Variants in UNC13C observed in about 807,000 individuals in gnomAD.
UNC13C encodes the protein unc-13 homolog C.
In UNC13C, 174 loss-of-function variants were observed where a neutral mutation model predicts 245.4. That is an observed-to-expected ratio of 0.71 (90% CI 0.63 to 0.80). UNC13C has a LOEUF of 0.80. Ranked by LOEUF, UNC13C falls within the 30% of genes least tolerant of loss-of-function variation. The probability of loss-of-function intolerance (pLI) is 0.00; values close to 1 mark genes in which losing one functional copy is unlikely to be tolerated. For synonymous variants in UNC13C, 992 were observed against 895.1 expected, an observed-to-expected ratio of 1.11 and a Z score of -1.93; for missense variants, 2,829 against 2,602.9, an observed-to-expected ratio of 1.09 and a Z score of -1.89.
chr15:54,140,404 AAC>A (rs2031959682), intron 2 of UNC13C, among the ~76,000 whole-genome samples: 1 of 152,224 alleles, frequency 6.6e-6, no homozygotes, highest in Non-Finnish European at 1.5e-5. Flanking sequence ...AAGTAAAAAA[AAC>A]AGAGAGAGAG....
intron 2 of UNC13C, among the ~76,000 whole-genome samples, chr15:54,067,162 G>A (rs551357203): frequency 1.2e-4 from 18 of 152,004 alleles, no homozygotes; most frequent in African/African-American, 4.3e-4. Flanking sequence ...AATCTTGGTT[G>A]AAGATTCCTG....
intron 19 of UNC13C, among the ~76,000 whole-genome samples, chr15:54,475,414 G>A (rs12439419): frequency 0.44 from 66,677 of 150,680 alleles, 15,064 homozygotes; most frequent in East Asian, 0.71. Context: ...CCATTAACTC[G>A]TCATTTAGCA....
At chr15:53,943,928 T>C in the UNC13C span, among the ~76,000 whole-genome samples, 5 of 152,126 alleles carry the variant, frequency 3.3e-5, no homozygotes, top group East Asian at 9.6e-4. Flanking sequence ...GATAGTAGCA[T>C]AGTCACTCCT....
At chr15:54,209,526 C>T (rs1318338068) in intron 4 of UNC13C, among the ~76,000 whole-genome samples, 1 of 152,056 alleles carries the variant, frequency 6.6e-6, no homozygotes, top group Admixed American at 6.6e-5. Flanking sequence ...GATCCTCCCT[C>T]CTCAATCTCC....
chr15:53,951,761 C>G, the UNC13C span, among the ~76,000 whole-genome samples: 10 of 152,132 alleles, frequency 6.6e-5, no homozygotes, highest in Non-Finnish European at 1.2e-4. Flanking sequence ...TAATACAGCG[C>G]TGAAATGGGT....
chr15:53,960,631 A>C, the UNC13C span, among the ~76,000 whole-genome samples: 1 of 152,226 alleles, frequency 6.6e-6, no homozygotes, highest in Admixed American at 6.5e-5. Context: ...GGACTCATTA[A>C]ATAGTAACTA....
intron 8 of UNC13C, among the ~76,000 whole-genome samples, chr15:54,251,035 G>A (rs549687888): frequency 1.7e-4 from 26 of 152,044 alleles, no homozygotes; most frequent in African/African-American, 6.0e-4. Context: ...GGATTACATA[G>A]GCGTGAGCCA....
At chr15:54,256,456 C>T (rs956472902) in intron 8 of UNC13C, among the ~76,000 whole-genome samples, 1 of 151,934 alleles carries the variant, frequency 6.6e-6, no homozygotes, top group Non-Finnish European at 1.5e-5. Context: ...CAGTCCTCCG[C>T]AGTATGGTCC....
At chr15:54,087,944 A>C (rs1314888612) in intron 2 of UNC13C, among the ~76,000 whole-genome samples, 1 of 152,154 alleles carries the variant, frequency 6.6e-6, no homozygotes, top group Admixed American at 6.5e-5. Flanking sequence ...ATTGTTTAGA[A>C]CAAAACTAGT....
Position 54,614,052 on chromosome 15 carries a change from G to A in UNC13C, c.6107-8275G>A, listed in dbSNP as rs1900271031. 2.0e-5 allele frequency among the ~76,000 whole-genome samples: 3 copies of A among 151,922 alleles called. No homozygotes were observed. The South Asian group carries it at 6.2e-4, about 31-fold the overall frequency. On this transcript the variant is annotated intron_variant, in intron 30 of 32. Coordinates refer to ENST00000260323, the MANE Select transcript of UNC13C (RefSeq NM_001080534.3). ...CCCCAGAGGGACTTGGTGGAGAGAG[G>A]TTGCTGATTGTCATACTGCTTTCCT...
rs747700605 is a variant in UNC13C at position 54,356,075 on chromosome 15, A to G, written c.4713+17586A>G. Among the ~76,000 whole-genome samples, 11 of 152,154 alleles carry G rather than the reference A, an allele frequency of 7.2e-5. 1 individual carries two copies. Among genetic ancestry groups the G allele is most frequent in the Non-Finnish European group, 1.5e-5 (1 of 68,022 alleles). Reference sequence around the variant, plus strand: ...ATGCACTAAAATATTCTCATTTTTTATGTCTGCGTGGTATTCCACTGAATG... The same window carrying G: ...ATGCACTAAAATATTCTCATTTTTTGTGTCTGCGTGGTATTCCACTGAATG... On this transcript the variant is annotated intron_variant, in intron 17 of 32. Transcript: ENST00000260323.
chr15:54,560,743 C>T (rs1284581512), intron 29 of UNC13C, among the ~76,000 whole-genome samples: 3 of 151,514 alleles, frequency 2.0e-5, no homozygotes, highest in Non-Finnish European at 4.4e-5. Context: ...AGTATAATAT[C>T]AGGATAGGAG....
chr15:54,378,622 A>G (rs1037598688), intron 17 of UNC13C, among the ~76,000 whole-genome samples: 4 of 151,572 alleles, frequency 2.6e-5, no homozygotes, highest in African/African-American at 4.8e-5. Context: ...AGAAATATAT[A>G]TGTATATATT....
At chr15:54,397,084 A>G (rs1163803560) in intron 18 of UNC13C, among the ~76,000 whole-genome samples, 2 of 151,450 alleles carry the variant, frequency 1.3e-5, no homozygotes, top group Non-Finnish European at 3.0e-5. Flanking sequence ...TAAGCTTTTA[A>G]AAAAATTCTA....
chr15:54,480,927 G>T (rs1042292488), intron 19 of UNC13C, among the ~76,000 whole-genome samples: 1 of 152,206 alleles, frequency 6.6e-6, no homozygotes, highest in Non-Finnish European at 1.5e-5. Context: ...TTTCTCAGCA[G>T]AGGGGATGTC....
At chr15:54,049,296 T>C in intron 2 of UNC13C, 2 of 523,078 alleles carry the variant, frequency 3.8e-6, no homozygotes, top group South Asian at 3.1e-5. Flanking sequence ...ATTTTGGAGA[T>C]GAAATAAAGG....
chr15:54,585,067 A>C (rs995600232), intron 30 of UNC13C, among the ~76,000 whole-genome samples: 6 of 152,216 alleles, frequency 3.9e-5, no homozygotes, highest in Non-Finnish European at 8.8e-5. Flanking sequence ...ATTAAGAGGT[A>C]ATGAAGTCTA....
rs1022120055 is a variant in UNC13C at position 54,532,803 on chromosome 15, A to G, written c.5547-114A>G. 2.4e-5 allele frequency: 17 copies of G among 696,426 alleles called. No homozygotes were observed. The African/African-American group carries it at 3.1e-4, about 13-fold the overall frequency. The allele number at this position is 696,426 out of a possible 1,614,324, so 43.1% of individuals were successfully genotyped here. Reference sequence around the variant, plus strand: ...AGTTAAACATTGAATTCGAAAACTCATGAGCAGGGGAATTCACACCAGTTG... The same window carrying G: ...AGTTAAACATTGAATTCGAAAACTCGTGAGCAGGGGAATTCACACCAGTTG... On this transcript the variant is annotated intron_variant, in intron 25 of 32. Transcript: ENST00000260323.
chr15:53,968,572 G>A, the UNC13C span, among the ~76,000 whole-genome samples: 19,702 of 152,034 alleles, frequency 0.13, 1,813 homozygotes, highest in African/African-American at 0.26. Flanking sequence ...CCCCAGAAAA[G>A]GTATTCTGGT....
Sources: allele counts gnomAD v4.1 joint callset (sites outside exome capture counted in the v4.1 genomes callset), GRCh38; gene constraint gnomAD v4.1.1; transcripts MANE v1.5; gene names NCBI Gene and HGNC (gene_info 2026-07-23, HGNC 2026-07-21).